Variants in CATSPERE observed in about 807,000 individuals in gnomAD.
CATSPERE encodes the protein catsper channel auxiliary subunit epsilon.
A neutral mutation model predicts 114.1 loss-of-function variants in CATSPERE; 93 were observed. The ratio of observed to expected loss-of-function variants is 0.81; its 90% CI spans 0.69 to 0.97. CATSPERE has a LOEUF of 0.97. Among genes scored for constraint, CATSPERE ranks in the 50% least tolerant of loss-of-function variants. The probability of loss-of-function intolerance (pLI) is 0.00; values close to 1 mark genes in which losing one functional copy is unlikely to be tolerated. For missense variants in CATSPERE, 1,058 were observed against 1,131.6 expected (o/e 0.93, Z 0.93); for synonymous variants, 341 against 384.1 (o/e 0.89, Z 1.31).
At chr1:244,555,159 G>C (rs1558487757) in intron 9 of CATSPERE, among the ~76,000 whole-genome samples, 1 of 152,064 alleles carries the variant, frequency 6.6e-6, no homozygotes. Context: ...GGCCGAGGAG[G>C]GCAGATCATG....
chr1:244,511,304 G>T (rs1265832655), intron 7 of CATSPERE, among the ~76,000 whole-genome samples: 1 of 152,066 alleles, frequency 6.6e-6, no homozygotes, highest in East Asian at 1.9e-4. Flanking sequence ...CTCCATTTGT[G>T]TGGAATAACT....
chr1:244,492,487 C>T (rs1262003420), intron 6 of CATSPERE, among the ~76,000 whole-genome samples: 5 of 148,264 alleles, frequency 3.4e-5, no homozygotes, highest in African/African-American at 1.2e-4. Context: ...CAGCCAATAT[C>T]ATACTGAATG....
intron 7 of CATSPERE, among the ~76,000 whole-genome samples, chr1:244,510,889 G>A (rs1211335333): frequency 1.6e-5 from 2 of 128,614 alleles, no homozygotes; most frequent in African/African-American, 3.0e-5. Flanking sequence ...TGTTGCCCAG[G>A]CTGGAGTGCA....
chr1:244,491,791 T>G (rs1672219823), intron 6 of CATSPERE, among the ~76,000 whole-genome samples: 1 of 152,086 alleles, frequency 6.6e-6, no homozygotes, highest in South Asian at 2.1e-4. Flanking sequence ...AAATACAAAC[T>G]ACCATCAGAG....
At position 244,560,827 on chromosome 1, in the gene CATSPERE, A is replaced by T; in HGVS notation, c.1189A>T (p.Thr397Ser). The T allele has an allele frequency of 6.2e-7, 1 of 1,614,122 alleles. No individual in the cohort carries two copies. The highest frequency in any genetic ancestry group is 8.5e-7 in the Non-Finnish European group (1 of 1,180,018). Residue 397 changes from threonine to serine, a missense_variant, in exon 10 of 22, where the codon ACA becomes TCA. Around this residue, in one of 2 missense-constraint regions of CATSPERE, gnomAD observed 787 missense variants for 905.6 expected, o/e 0.87. Transcript: ENST00000366534. ...TCTGACCATAGACAGGGTTGAGTAT[A>T]CAGGACACCCTCTGGAGATTGCTGT... ...ATLTIDRVEY[T>S]GHPLEIAVFL...
At chr1:244,625,259 G>A (rs1672958919) in intron 20 of CATSPERE, among the ~76,000 whole-genome samples, 2 of 150,944 alleles carry the variant, frequency 1.3e-5, no homozygotes, top group Admixed American at 6.6e-5. Context: ...TAGTAGGCAT[G>A]ATAGGCATGA....
rs1208021481 is a variant in CATSPERE at position 244,593,558 on chromosome 1, G to C, written c.2283G>C (p.Lys761Asn). 1 of 1,613,818 alleles carries C rather than the reference G, an allele frequency of 6.2e-7. No homozygotes were observed. Among genetic ancestry groups the C allele is most frequent in the Middle Eastern group, 1.7e-4 (1 of 6,030 alleles). ...CTCTGAGGCTTGACTTCACAGAAAA[G>C]TTTCAACCTGTGGTTCAACTGTAAG... ...GCPLRLDFTE[K>N]FQPVVQLFDD... is the part of the protein sequence containing the mutation. The change falls in exon 17 of 22, where the codon AAG becomes AAC. Residue 761 changes from lysine (K) to asparagine (N), a missense_variant. By Grantham distance (94) the Lys-to-Asn change is moderately conservative. This residue lies in a region of CATSPERE where 787 missense variants were observed against 905.6 expected (regional missense o/e 0.87). Coordinates refer to ENST00000366534, the MANE Select transcript of CATSPERE (RefSeq NM_001130957.2).
In CATSPERE at chr1:244,591,713, T is replaced by C; in HGVS notation, c.2171T>C (p.Phe724Ser). The C allele has an allele frequency of 6.6e-7, 1 of 1,519,230 alleles. No homozygotes were observed. Among genetic ancestry groups the C allele is most frequent in the Non-Finnish European group, 9.1e-7 (1 of 1,101,046 alleles). The allele number at this position is 1,519,230 out of a possible 1,614,324, so 94.1% of individuals were successfully genotyped here. A position where few individuals can be genotyped will look rare whatever the true frequency, so the allele number is the denominator to read the frequency against. Reference sequence around the variant, plus strand: ...AAAAAAGGATGTCATCACCATGATTTTTCATACGTGATTGAAAAGTAAGAA... The same window carrying C: ...AAAAAAGGATGTCATCACCATGATTCTTCATACGTGATTGAAAAGTAAGAA... ...FSKKGCHHHD[F>S]SYVIEKSYLR... The change falls in exon 15 of 22, where the codon TTT (phenylalanine) becomes TCT (serine). Residue 724 changes from phenylalanine (F) to serine (S), a missense_variant. Phe to Ser is a radical substitution (Grantham distance 155). Around this residue, in one of 2 missense-constraint regions of CATSPERE, gnomAD observed 787 missense variants for 905.6 expected, o/e 0.87. Coordinates refer to ENST00000366534, the MANE Select transcript of CATSPERE (RefSeq NM_001130957.2).
chr1:244,594,385 C>T (rs962326501), intron 17 of CATSPERE, among the ~76,000 whole-genome samples: 1 of 152,092 alleles, frequency 6.6e-6, no homozygotes, highest in African/African-American at 2.4e-5. Flanking sequence ...GAAGACTTTT[C>T]CAAGTGATTT....
intron 4 of CATSPERE, among the ~76,000 whole-genome samples, chr1:244,478,453 C>A (rs1169253623): frequency 6.6e-6 from 1 of 152,204 alleles, no homozygotes; most frequent in Non-Finnish European, 1.5e-5. Context: ...CATTTTAATA[C>A]ACTGGCATTT....
intron 5 of CATSPERE, among the ~76,000 whole-genome samples, chr1:244,485,657 G>T (rs1670875497): frequency 6.8e-6 from 1 of 146,150 alleles, no homozygotes. Flanking sequence ...GTTTCATTCA[G>T]TTCACTAATT....
intron 7 of CATSPERE, among the ~76,000 whole-genome samples, chr1:244,517,177 T>G (rs1050965432): frequency 1.3e-5 from 2 of 152,032 alleles, no homozygotes; most frequent in Non-Finnish European, 2.9e-5. Context: ...TTTATAAAAT[T>G]ATCTTTAATG....
intron 17 of CATSPERE, among the ~76,000 whole-genome samples, chr1:244,599,221 T>A (rs149483844): frequency 1.1e-4 from 16 of 152,324 alleles, no homozygotes; most frequent in Middle Eastern, 3.4e-3. Context: ...AACCCCAGAC[T>A]GACACCTCCA....
chr1:244,561,331 AG>A (rs1295302990), intron 10 of CATSPERE, among the ~76,000 whole-genome samples, 186 bp downstream of exon 10: 9 of 152,208 alleles, frequency 5.9e-5, no homozygotes, highest in African/African-American at 2.2e-4. Context: ...ACATAGCAAA[AG>A]GGCAAACTCA....
chr1:244,485,985 C>G (rs3003305), intron 5 of CATSPERE, among the ~76,000 whole-genome samples: 133,446 of 152,008 alleles, frequency 0.88, 59,070 homozygotes, highest in African/African-American at 0.97. Context: ...CACCAGGCCT[C>G]TATCTAAATT....
At chr1:244,565,043 A>G (rs1431352663) in intron 10 of CATSPERE, among the ~76,000 whole-genome samples, 3 of 152,134 alleles carry the variant, frequency 2.0e-5, no homozygotes, top group Non-Finnish European at 4.4e-5. Flanking sequence ...TATGAGATGG[A>G]TTACATTTAT....
At chr1:244,466,451 C>T (rs1667616108) in intron 2 of CATSPERE, among the ~76,000 whole-genome samples, 2 of 152,138 alleles carry the variant, frequency 1.3e-5, no homozygotes, top group South Asian at 4.1e-4. Flanking sequence ...TTTCCAGATG[C>T]CCTCTAAGGC....
chr1:244,505,789 G>A (rs544237605), intron 7 of CATSPERE, among the ~76,000 whole-genome samples: 161 of 152,078 alleles, frequency 1.1e-3, no homozygotes, highest in Non-Finnish European at 2.1e-3. Flanking sequence ...GGTGGATCAC[G>A]AGGTCAGGAG....
chr1:244,582,517 C>T lies in CATSPERE; in HGVS notation c.2009+663C>T, dbSNP rs533182817. Among the ~76,000 whole-genome samples, 4 of 152,026 alleles carry T rather than the reference C, an allele frequency of 2.6e-5. No individual in the cohort carries two copies. The South Asian group carries it at 8.3e-4, about 32-fold the overall frequency. ...TCGCAGGTTCAAGTGATTCTCCTGCCTCAGCCTCCCGAGTAGCTGGGATTA... is the reference window on the plus strand; with the variant it reads ...TCGCAGGTTCAAGTGATTCTCCTGCTTCAGCCTCCCGAGTAGCTGGGATTA... On this transcript the variant is annotated intron_variant, in intron 12 of 21. Coordinates refer to ENST00000366534, the MANE Select transcript of CATSPERE (RefSeq NM_001130957.2).
Sources: gnomAD v4.1 joint callset for allele counts (sites outside exome capture counted in the v4.1 genomes callset) on GRCh38, gnomAD v4.1.1 for gene constraint, gnomAD v4.1.1 regional missense constraint, MANE v1.5 for transcripts, NCBI Gene and HGNC (gene_info 2026-07-23, HGNC 2026-07-21) for gene names.